The following CNNM1 variants were observed in gnomAD, a reference collection of about 807,000 sequenced individuals.
CNNM1 encodes the protein cyclin and CBS domain divalent metal cation transport mediator 1, also known as metal transporter CNNM1.
A neutral mutation model predicts 78.8 loss-of-function variants in CNNM1; 44 were observed. That is an observed-to-expected ratio of 0.56 (90% CI 0.44 to 0.72). The LOEUF (loss-of-function observed/expected upper bound fraction) is 0.72, where lower values mean the gene tolerates loss of function less well. CNNM1 is among the 30% of genes least tolerant of loss of function. CNNM1 has a pLI of 0.00. For missense variants in CNNM1, 1,101 were observed against 1,292.2 expected (o/e 0.85, Z 2.27); for synonymous variants, 584 against 581.5 (o/e 1.00, Z -0.06).
At chr10:99,373,487 C>G (rs540780983) in intron 6 of CNNM1, among the ~76,000 whole-genome samples, 1 of 152,206 alleles carries the variant, frequency 6.6e-6, no homozygotes, top group Non-Finnish European at 1.5e-5. Flanking sequence ...GAGGAAAGAA[C>G]ACAGACTTAT....
chr10:99,354,988 A>G (rs2031082014), intron 1 of CNNM1, among the ~76,000 whole-genome samples: 1 of 152,096 alleles, frequency 6.6e-6, no homozygotes, highest in African/African-American at 2.4e-5. Context: ...ATTAGAGACC[A>G]TTCTTGGGTG....
chr10:99,353,658 T>C (rs2031028153), intron 1 of CNNM1, among the ~76,000 whole-genome samples: 1 of 152,172 alleles, frequency 6.6e-6, no homozygotes, highest in Non-Finnish European at 1.5e-5. Context: ...GGTTTTCTTG[T>C]CTCTGTGAGT....
chr10:99,371,150 C>T (rs911552897), intron 6 of CNNM1, among the ~76,000 whole-genome samples: 2 of 152,134 alleles, frequency 1.3e-5, no homozygotes, highest in African/African-American at 4.8e-5. Context: ...GTGCTAATTA[C>T]GAATCTGGTG....
rs1301772661 is a variant in CNNM1 at position 99,329,978 on chromosome 10, C to T, written c.591C>T (p.His197=). The change falls in exon 1 of 11, where the codon CAC becomes CAT. Residue 197 remains histidine, a synonymous_variant. Coordinates refer to ENST00000356713, the MANE Select transcript of CNNM1 (RefSeq NM_020348.3). ...CAWDGRAWHH[H]GAAGGFLLRV... is the part of the protein sequence containing the mutation. ...GGGATGGGCGCGCGTGGCACCACCA[C>T]GGCGCCGCCGGCGGCTTCCTGCTGC... 7.2e-7 allele frequency: 1 copy of T among 1,388,530 alleles called. No individual in the cohort carries two copies. Among genetic ancestry groups the T allele is most frequent in the Admixed American group, 3.8e-5 (1 of 26,490 alleles). 86.0% of individuals were successfully genotyped at this position (1,388,530 alleles called of 1,614,324 possible).
Position 99,369,999 on chromosome 10 carries a change from G to A in CNNM1, c.2176+4997G>A, listed in dbSNP as rs12262226. Among the ~76,000 whole-genome samples, 288 of 152,296 alleles carry A rather than the reference G, an allele frequency of 1.9e-3. 1 individual carries two copies. Among genetic ancestry groups the A allele is most frequent in the African/African-American group, 6.5e-3 (272 of 41,560 alleles). On this transcript the variant is annotated intron_variant, in intron 6 of 10. Coordinates refer to ENST00000356713, the MANE Select transcript of CNNM1 (RefSeq NM_020348.3). The stretch of plus-strand genomic sequence containing the variant: ...CTTTCAGCCCAAAAGATCAAAGCGA[G>A]GATGTGTTTTCCTTTTTAATTAACC...
In CNNM1 at chr10:99,387,805, C is replaced by A; in HGVS notation, c.2341-15C>A. 13 of 1,578,294 alleles carry A rather than the reference C, an allele frequency of 8.2e-6. No individual in the cohort carries two copies. Among genetic ancestry groups the A allele is most frequent in the Non-Finnish European group, 1.0e-5 (12 of 1,161,840 alleles). On this transcript the variant is annotated splice_polypyrimidine_tract_variant and intron_variant, in intron 7 of 10. Coordinates refer to ENST00000356713, the MANE Select transcript of CNNM1 (RefSeq NM_020348.3). ...CTGCCTAGCTGCTCCTAAGCTCCTGCCCTCTTCCTTCCAGATCACACGGCA... is the reference window on the plus strand; with the variant it reads ...CTGCCTAGCTGCTCCTAAGCTCCTGACCTCTTCCTTCCAGATCACACGGCA...
Position 99,364,411 on chromosome 10 carries a change from T to C in CNNM1, c.2029-6T>C. The stretch of plus-strand genomic sequence containing the variant: ...TCATAGTACACTTCCTTTTTTTTTT[T>C]TCCAGGGTAAAGTGGAGGTGGAGGT... On this transcript the variant is annotated splice_region_variant and splice_polypyrimidine_tract_variant and intron_variant, in intron 4 of 10. Transcript: ENST00000356713. 6.2e-7 allele frequency: 1 copy of C among 1,605,174 alleles called. No individual in the cohort carries two copies. Among genetic ancestry groups the C allele is most frequent in the African/African-American group, 1.3e-5 (1 of 74,618 alleles).
chr10:99,331,021 TA>T, intron 1 of CNNM1, 61 bp downstream of exon 1: 1 of 1,492,894 alleles, frequency 6.7e-7, no homozygotes, highest in Non-Finnish European at 9.0e-7. Context: ...TATCCTTTCC[TA>T]ACCACGTGAG....
chr10:99,351,548 C>A (rs1015724853), intron 1 of CNNM1, among the ~76,000 whole-genome samples: 1 of 152,158 alleles, frequency 6.6e-6, no homozygotes, highest in African/African-American at 2.4e-5. Flanking sequence ...TAAATATTCA[C>A]AAGTCATCCC....
Position 99,330,746 on chromosome 10 carries a change from C to A in CNNM1, c.1359C>A (p.Val453=). ...RSDAVLDFAT[V]SEILRSGYTR... ...ACGCGGTGCTCGACTTCGCCACTGT[C>A]TCCGAGATCCTGCGCAGCGGCTACA... The change falls in exon 1 of 11, where the codon GTC becomes GTA. Residue 453 remains valine (V), a synonymous_variant. Transcript: ENST00000356713. The A allele has an allele frequency of 6.2e-7, 1 of 1,614,070 alleles. No homozygotes were observed. The highest frequency in any genetic ancestry group is 8.5e-7 in the Non-Finnish European group (1 of 1,179,926).
intron 6 of CNNM1, among the ~76,000 whole-genome samples, chr10:99,372,642 G>A (rs1166213835): frequency 3.3e-5 from 5 of 152,104 alleles, no homozygotes; most frequent in East Asian, 1.9e-4. Context: ...TAAGACACTC[G>A]TCTGTTACTG....
chr10:99,330,338 C>T lies in CNNM1; in HGVS notation c.951C>T (p.Ser317=), dbSNP rs572699738. 90 of 1,600,914 alleles carry T rather than the reference C, an allele frequency of 5.6e-5. No individual in the cohort carries two copies. The African/African-American group carries it at 6.3e-4, about 11-fold the overall frequency. ...PGFGGTGEDY[S]EEGIHFPWLP... ...TCGGGGGCACCGGGGAAGACTACAG[C>T]GAAGAGGGGATCCACTTCCCGTGGC... is the stretch of plus-strand genomic sequence containing the variant. The change falls in exon 1 of 11, where the codon AGC becomes AGT. Residue 317 remains serine (S), a synonymous_variant. Coordinates refer to ENST00000356713, the MANE Select transcript of CNNM1 (RefSeq NM_020348.3).
At chr10:99,341,299 C>T (rs1325322361) in intron 1 of CNNM1, among the ~76,000 whole-genome samples, 1 of 152,054 alleles carries the variant, frequency 6.6e-6, no homozygotes, top group Non-Finnish European at 1.5e-5. Context: ...GAAAGTGCCA[C>T]CTCTGCCAGC....
intron 1 of CNNM1, among the ~76,000 whole-genome samples, chr10:99,352,930 C>G (rs1421090849): frequency 2.0e-5 from 3 of 150,550 alleles, no homozygotes; most frequent in African/African-American, 7.3e-5. Flanking sequence ...AGGTTTTCTC[C>G]TATGTTTTTT....
chr10:99,377,107 C>T lies in CNNM1; in HGVS notation c.2229C>T (p.Asn743=). 6.3e-7 allele frequency: 1 copy of T among 1,598,402 alleles called. No individual in the cohort carries two copies. Among genetic ancestry groups the T allele is most frequent in the African/African-American group, 1.3e-5 (1 of 74,706 alleles). ...GGTTGAATCGCTCTGAGTCTCCAAACCGAGAGCGCAGTGACTTTGGGGGCA... is the reference window on the plus strand; with the variant it reads ...GGTTGAATCGCTCTGAGTCTCCAAATCGAGAGCGCAGTGACTTTGGGGGCA... ...CSGLNRSESP[N]RERSDFGGSN... The change falls in exon 7 of 11, where the codon AAC becomes AAT. Residue 743 remains asparagine (N), a synonymous_variant. Transcript: ENST00000356713.
chr10:99,356,606 A>AAG (rs1455527546), intron 1 of CNNM1, among the ~76,000 whole-genome samples: 1 of 49,998 alleles, frequency 2.0e-5, no homozygotes, highest in Non-Finnish European at 6.1e-5. Flanking sequence ...GAAAGAAAGA[A>AAG]AAGAAAGAAA....
intron 8 of CNNM1, 33 bp downstream of exon 8, chr10:99,388,036 T>A (rs1241443994): frequency 5.7e-6 from 9 of 1,575,276 alleles, no homozygotes. Flanking sequence ...CAGGCTGGGC[T>A]GGTGTGGGGT....
chr10:99,358,665 G>C (rs1271524278), intron 2 of CNNM1, among the ~76,000 whole-genome samples: 1 of 152,136 alleles, frequency 6.6e-6, no homozygotes, highest in Non-Finnish European at 1.5e-5. Context: ...GAGAGTCATG[G>C]CACCTCCCTC....
chr10:99,380,567 T>G (rs2902274), intron 7 of CNNM1, among the ~76,000 whole-genome samples: 136,137 of 152,114 alleles, frequency 0.89, 61,096 homozygotes, highest in African/African-American at 0.94. Flanking sequence ...AAGATGGGTG[T>G]ATCACCTGAG....
Sources: gnomAD v4.1 joint callset for allele counts (sites outside exome capture counted in the v4.1 genomes callset) on GRCh38, gnomAD v4.1.1 for gene constraint, MANE v1.5 for transcripts, NCBI Gene and HGNC (gene_info 2026-07-23, HGNC 2026-07-21) for gene names.